Variants in PLEKHA1 observed in about 807,000 individuals in gnomAD.
PLEKHA1 encodes pleckstrin homology domain containing A1.
Under a neutral mutation model 52.0 loss-of-function variants are expected in PLEKHA1, and 34 were observed. The ratio of observed to expected loss-of-function variants is 0.65; its 90% CI spans 0.50 to 0.87. The LOEUF (loss-of-function observed/expected upper bound fraction) is 0.87, where lower values mean the gene tolerates loss of function less well. PLEKHA1 is among the 40% of genes least tolerant of loss of function. PLEKHA1 has a pLI of 0.00. For synonymous variants in PLEKHA1, 163 were observed against 170.7 expected (o/e 0.95, Z 0.35); for missense variants, 497 against 504.2 (o/e 0.99, Z 0.14).
chr10:122,434,442 A>T (rs1591004980), downstream of PLEKHA1: 1 of 152,278 alleles, frequency 6.6e-6, no homozygotes, highest in East Asian at 1.9e-4. Context: ...GTTCTGCCGT[A>T]TGTGACTTTA....
intron 10 of PLEKHA1, among the ~76,000 whole-genome samples, chr10:122,425,973 A>G (rs933775293): frequency 6.6e-6 from 1 of 152,040 alleles, no homozygotes; most frequent in Non-Finnish European, 1.5e-5. Flanking sequence ...TTTTTTTCCC[A>G]TGTCATTAAA....
rs780036397 is a variant in PLEKHA1 at position 122,424,911 on chromosome 10, G to A, written c.762G>A (p.Arg254=). ...TTTCATACAGCGACATAATGATGAG[G>A]GACAACCTCTTTGAAATTGTAACAA... ...QECKQSDIMM[R]DNLFEIVTTS... Residue 254 remains arginine, a synonymous_variant, in exon 10 of 12, where the codon AGG becomes AGA. Transcript: ENST00000368990. 1.2e-6 allele frequency: 2 copies of A among 1,609,666 alleles called. No individual in the cohort carries two copies. The highest frequency in any genetic ancestry group is 8.5e-7 in the Non-Finnish European group (1 of 1,177,992).
intron 7 of PLEKHA1, among the ~76,000 whole-genome samples, chr10:122,416,257 A>G (rs1019750056): frequency 6.6e-6 from 1 of 152,146 alleles, no homozygotes; most frequent in African/African-American, 2.4e-5. Context: ...CTTTCCTAAC[A>G]GTTTAATGTT....
At chr10:122,437,297 C>T (rs950578976), downstream of PLEKHA1, 13 of 152,056 alleles carry the variant, frequency 8.5e-5, no homozygotes, top group Admixed American at 5.2e-4. Context: ...GTTTTCAGCC[C>T]GAACAACTAG....
chr10:122,383,123 T>C (rs2096637577), intron 1 of PLEKHA1, among the ~76,000 whole-genome samples: 1 of 152,160 alleles, frequency 6.6e-6, no homozygotes, highest in South Asian at 2.1e-4. Flanking sequence ...TTTTCTATTA[T>C]GGAGATTTGT....
intron 1 of PLEKHA1, among the ~76,000 whole-genome samples, chr10:122,380,365 A>G (rs2096597480): frequency 6.6e-6 from 1 of 152,230 alleles, no homozygotes; most frequent in Non-Finnish European, 1.5e-5. Flanking sequence ...AATCAGGTAA[A>G]TAAGTAAACT....
chr10:122,428,636 T>C (rs1340192095), intron 11 of PLEKHA1, among the ~76,000 whole-genome samples: 3 of 152,136 alleles, frequency 2.0e-5, no homozygotes, highest in Non-Finnish European at 4.4e-5. Flanking sequence ...TTAAAAATTT[T>C]TAAGATACAA....
intron 1 of PLEKHA1, among the ~76,000 whole-genome samples, chr10:122,384,012 G>C (rs895055801): frequency 2.6e-5 from 4 of 151,832 alleles, no homozygotes; most frequent in African/African-American, 9.7e-5. Flanking sequence ...CTCTCGTGTT[G>C]TTCTGTTCTT....
chr10:122,434,388 T>C (rs1005514939), downstream of PLEKHA1: 8 of 152,192 alleles, frequency 5.3e-5, no homozygotes, highest in African/African-American at 1.9e-4. Flanking sequence ...CTGAATATAA[T>C]GGCTGTCTTA....
rs1232071497 is a variant in PLEKHA1 at position 122,430,523 on chromosome 10, C to T, written c.*585C>T. ...TGCATAGAGGATATGGATAGACCAA[C>T]AGTAAGGGTTGTGGGTTATACCGGC... is the stretch of plus-strand genomic sequence containing the variant. On this transcript the variant is annotated 3_prime_UTR_variant, in exon 12 of 12. Coordinates refer to ENST00000368990, the MANE Select transcript of PLEKHA1 (RefSeq NM_001001974.4). 6.6e-6 allele frequency: 1 copy of T among 152,638 alleles called. No homozygotes were observed. The highest frequency in any genetic ancestry group is 1.5e-5 in the Non-Finnish European group (1 of 68,102). 9.5% of individuals were successfully genotyped at this position (152,638 alleles called of 1,614,324 possible). A position where few individuals can be genotyped will look rare whatever the true frequency, so the allele number is the denominator to read the frequency against.
chr10:122,387,051 T>C (rs1479653268), intron 1 of PLEKHA1: 2 of 152,204 alleles, frequency 1.3e-5, no homozygotes, highest in Non-Finnish European at 1.5e-5. Flanking sequence ...CTAATATTGG[T>C]GATTTGCTTT....
intron 1 of PLEKHA1, among the ~76,000 whole-genome samples, chr10:122,382,959 C>T (rs186972975): frequency 6.6e-6 from 1 of 152,162 alleles, no homozygotes; most frequent in Non-Finnish European, 1.5e-5. Flanking sequence ...CCAGATTCAC[C>T]CAGTAGGGTT....
chr10:122,404,048 A>C (rs1465180510), intron 4 of PLEKHA1, among the ~76,000 whole-genome samples: 1 of 152,208 alleles, frequency 6.6e-6, no homozygotes, highest in African/African-American at 2.4e-5. Flanking sequence ...ATGGCAGTGA[A>C]GAATATTCTA....
intron 3 of PLEKHA1, among the ~76,000 whole-genome samples, chr10:122,399,574 CTTTATT>C (rs113811329): frequency 0.31 from 46,856 of 150,850 alleles, 7,813 homozygotes; most frequent in Admixed American, 0.38. Context: ...GATTTGTGGA[CTTTATT>C]TTTATTTTTA....
At chr10:122,420,122 T>C (rs1342698467) in intron 8 of PLEKHA1, 7 of 152,136 alleles carry the variant, frequency 4.6e-5, no homozygotes, top group African/African-American at 7.2e-5. Flanking sequence ...TCTTAAATAC[T>C]GCATCACCAA....
chr10:122,407,258 C>T (rs1443762415), intron 5 of PLEKHA1, among the ~76,000 whole-genome samples: 3 of 152,160 alleles, frequency 2.0e-5, no homozygotes, highest in Non-Finnish European at 4.4e-5. Flanking sequence ...CCTTGCATTC[C>T]AGGGCTTGGT....
rs532542662 is a variant in PLEKHA1 at position 122,395,232 on chromosome 10, A to G, written c.141+1891A>G. On this transcript the variant is annotated intron_variant, in intron 2 of 11. Transcript: ENST00000368990. ...ATAAACTTTTAAAATCCAGATCTCT[A>G]TGTTAGAATTAATGCATTGGCTTTT... Among the ~76,000 whole-genome samples the G allele has an allele frequency of 5.3e-5, 8 of 152,250 alleles. No homozygotes were observed. In the South Asian group the frequency reaches 1.5e-3, roughly 28 times the overall value.
rs747060121 is a variant in PLEKHA1 at position 122,413,065 on chromosome 10, A to G, written c.468+20A>G. The G allele has an allele frequency of 1.0e-5, 16 of 1,603,844 alleles. No homozygotes were observed. The highest frequency in any genetic ancestry group is 8.9e-5 in the East Asian group (4 of 44,810). ...ACTCAGGTAATTAAGTAACTCTTCT[A>G]TTGTGTGAGGGTCTAATTATTGTAT... On this transcript the variant is annotated intron_variant, in intron 6 of 11. Transcript: ENST00000368990.
chr10:122,398,887 G>A (rs1180443126), intron 3 of PLEKHA1, among the ~76,000 whole-genome samples: 1 of 152,058 alleles, frequency 6.6e-6, no homozygotes, highest in Non-Finnish European at 1.5e-5. Context: ...AGAGCCCTTG[G>A]ACAATAAAGA....
Sources: allele counts gnomAD v4.1 joint callset (sites outside exome capture counted in the v4.1 genomes callset), GRCh38; gene constraint gnomAD v4.1.1; transcripts MANE v1.5; gene names NCBI Gene and HGNC (gene_info 2026-07-23, HGNC 2026-07-21).